The following SUCLG2 variants were observed in gnomAD, a reference collection of about 807,000 sequenced individuals.
SUCLG2 encodes the protein succinate--CoA ligase [GDP-forming] subunit beta, mitochondrial.
SUCLG2 carries 42 observed loss-of-function variants against 47.9 expected under a neutral mutation model. The observed-to-expected ratio is 0.88, with a 90% CI of 0.69 to 1.14. SUCLG2 has a LOEUF of 1.14. SUCLG2 is among the 50% of genes most tolerant of loss of function. The pLI, the probability that SUCLG2 is intolerant of heterozygous loss-of-function variation, is 0.00. For synonymous variants in SUCLG2, 195 were observed against 197.3 expected (o/e 0.99, Z 0.10); for missense variants, 571 against 525.9 (o/e 1.09, Z -0.84).
intron 9 of SUCLG2, among the ~76,000 whole-genome samples, chr3:67,429,621 A>C (rs1703422796): frequency 6.6e-6 from 1 of 152,176 alleles, no homozygotes. Context: ...AATGTAAATG[A>C]GCTAAATGCT....
Position 67,453,467 on chromosome 3 carries a change from T to C in SUCLG2, c.1062+42331A>G, listed in dbSNP as rs187718160. Among the ~76,000 whole-genome samples, 7 of 152,232 alleles carry C rather than the reference T, an allele frequency of 4.6e-5. No homozygotes were observed. The East Asian group carries it at 1.4e-3, about 29-fold the overall frequency. On this transcript the variant is annotated intron_variant, in intron 9 of 10. Transcript: ENST00000307227. Reference sequence around the variant, plus strand: ...ATGAAGGAGCTCCCTTGGGCCTATTTCATAAGGACACTAATCACATTCATG... The same window carrying C: ...ATGAAGGAGCTCCCTTGGGCCTATTCCATAAGGACACTAATCACATTCATG...
At chr3:67,509,192 C>A (rs1705720590) in intron 6 of SUCLG2, among the ~76,000 whole-genome samples, 2 of 152,120 alleles carry the variant, frequency 1.3e-5, no homozygotes, top group Admixed American at 6.6e-5. Flanking sequence ...TCTCTATTAG[C>A]AGAGTTATGC....
intron 6 of SUCLG2, chr3:67,514,131 C>T: frequency 3.3e-6 from 1 of 303,974 alleles, no homozygotes; most frequent in South Asian, 3.1e-5. Flanking sequence ...AAGATCCTGC[C>T]TTGATTTGTT....
intron 9 of SUCLG2, among the ~76,000 whole-genome samples, chr3:67,488,663 G>A (rs1222781020): frequency 1.3e-5 from 2 of 152,094 alleles, no homozygotes; most frequent in African/African-American, 4.8e-5. Context: ...CATTATTCCC[G>A]ACCATTATTG....
chr3:67,368,583 T>C (rs1206414495), intron 10 of SUCLG2, among the ~76,000 whole-genome samples: 1 of 152,092 alleles, frequency 6.6e-6, no homozygotes. Context: ...TCCATTTTTC[T>C]GGCATCTTCA....
intron 6 of SUCLG2, among the ~76,000 whole-genome samples, chr3:67,509,572 A>G (rs980288885): frequency 6.6e-6 from 1 of 152,118 alleles, no homozygotes; most frequent in African/African-American, 2.4e-5. Context: ...ATTCTTTTCA[A>G]CCAACATTTC....
chr3:67,443,994 C>T (rs1703847904), intron 9 of SUCLG2, among the ~76,000 whole-genome samples: 1 of 125,380 alleles, frequency 8.0e-6, no homozygotes, highest in East Asian at 3.0e-4. Flanking sequence ...GCCAGCCGCC[C>T]CATCCGGGAG....
intron 6 of SUCLG2, among the ~76,000 whole-genome samples, chr3:67,510,482 C>A (rs559594410): frequency 6.6e-6 from 1 of 152,240 alleles, no homozygotes; most frequent in East Asian, 1.9e-4. Context: ...ACCACACAGG[C>A]CCCCAGTGGC....
chr3:67,377,355 A>G (rs1343481629), intron 10 of SUCLG2, among the ~76,000 whole-genome samples: 1 of 152,226 alleles, frequency 6.6e-6, no homozygotes, highest in African/African-American at 2.4e-5. Flanking sequence ...GTGTAAAAGC[A>G]TTTTTGTAAA....
At chr3:67,369,963 T>G (rs541900242), downstream of SUCLG2, among the ~76,000 whole-genome samples, 1 of 152,342 alleles carries the variant, frequency 6.6e-6, no homozygotes, top group South Asian at 2.1e-4. Flanking sequence ...AGTATCTACT[T>G]TCTTATATTT....
At chr3:67,466,859 C>G (rs1704485433) in intron 9 of SUCLG2, among the ~76,000 whole-genome samples, 1 of 152,158 alleles carries the variant, frequency 6.6e-6, no homozygotes, top group Non-Finnish European at 1.5e-5. Flanking sequence ...GCTGAACAAC[C>G]AAGATACAAA....
At chr3:67,472,124 CAT>C (rs1400063070) in intron 9 of SUCLG2, among the ~76,000 whole-genome samples, 1 of 152,058 alleles carries the variant, frequency 6.6e-6, no homozygotes, top group Non-Finnish European at 1.5e-5. Flanking sequence ...TCCATGAAGA[CAT>C]ATAAAATGAG....
At chr3:67,629,651 AGGTGTTGG>A (rs1031461100) in intron 1 of SUCLG2, among the ~76,000 whole-genome samples, 1 of 152,192 alleles carries the variant, frequency 6.6e-6, no homozygotes, top group Admixed American at 6.5e-5. Context: ...CCCTACTTAG[AGGTGTTGG>A]GGTAGGGGAC....
intron 8 of SUCLG2, among the ~76,000 whole-genome samples, chr3:67,497,770 A>G (rs1705384980): frequency 6.6e-6 from 1 of 152,176 alleles, no homozygotes. Context: ...TACCACAGCC[A>G]TTTGGAACTG....
intron 9 of SUCLG2, among the ~76,000 whole-genome samples, chr3:67,485,912 A>G (rs1173830925): frequency 6.6e-6 from 1 of 152,250 alleles, no homozygotes; most frequent in African/African-American, 2.4e-5. Flanking sequence ...TAGGGGAACA[A>G]GTAAACTATG....
At chr3:67,375,922 A>C (rs764747119) in intron 10 of SUCLG2, 63 bp from the exon 11 acceptor site, 3 of 1,565,126 alleles carry the variant, frequency 1.9e-6, no homozygotes, top group Non-Finnish European at 2.6e-6. Flanking sequence ...TGAAGTTTGC[A>C]CAAGGACACA....
At chr3:67,422,731 T>C (rs1703197493) in intron 9 of SUCLG2, among the ~76,000 whole-genome samples, 1 of 152,112 alleles carries the variant, frequency 6.6e-6, no homozygotes, top group African/African-American at 2.4e-5. Flanking sequence ...CTTCACCATT[T>C]ACTAAGATAA....
intron 2 of SUCLG2, among the ~76,000 whole-genome samples, chr3:67,597,114 C>T (rs1320656898): frequency 6.6e-6 from 1 of 152,156 alleles, no homozygotes; most frequent in East Asian, 1.9e-4. Context: ...CAGACCTAAC[C>T]ATCCCCACAT....
intron 9 of SUCLG2, among the ~76,000 whole-genome samples, chr3:67,447,472 T>C (rs996260491): frequency 6.6e-6 from 1 of 152,198 alleles, no homozygotes; most frequent in African/African-American, 2.4e-5. Context: ...CAACTCTGAT[T>C]TGATTATGCC....
Sources: gnomAD v4.1 joint callset for allele counts (sites outside exome capture counted in the v4.1 genomes callset) on GRCh38, gnomAD v4.1.1 for gene constraint, MANE v1.5 for transcripts, NCBI Gene and HGNC (gene_info 2026-07-23, HGNC 2026-07-21) for gene names.